The following LIMD1 variants were observed in gnomAD, a reference collection of about 807,000 sequenced individuals.
LIMD1 encodes the protein LIM domain containing 1.
Under a neutral mutation model 58.4 loss-of-function variants are expected in LIMD1, and 23 were observed. The ratio of observed to expected loss-of-function variants is 0.39; its 90% confidence interval spans 0.28 to 0.56. The LOEUF (loss-of-function observed/expected upper bound fraction) is 0.56, where lower values mean the gene tolerates loss of function less well. Ranked by LOEUF, LIMD1 falls within the 20% of genes least tolerant of loss-of-function variation. LIMD1 has a pLI of 0.57. For missense variants in LIMD1, 838 were observed against 855.5 expected (o/e 0.98, Z 0.25); for synonymous variants, 334 against 345.5 (o/e 0.97, Z 0.37).
intron 1 of LIMD1, among the ~76,000 whole-genome samples, chr3:45,626,497 G>A (rs4683131): frequency 0.31 from 47,556 of 152,092 alleles, 8,103 homozygotes; most frequent in South Asian, 0.54. Context: ...GCTGCAGAGT[G>A]TATGATTCCA....
intron 3 of LIMD1, 112 bp from the exon 4 acceptor site, chr3:45,668,180 GCA>G: frequency 3.9e-6 from 3 of 772,634 alleles, no homozygotes; most frequent in Non-Finnish European, 4.3e-6. Flanking sequence ...ACAGAATTCT[GCA>G]CAGAGTGACA....
At chr3:45,609,573 T>C (rs1012150274) in intron 1 of LIMD1, among the ~76,000 whole-genome samples, 1 of 152,180 alleles carries the variant, frequency 6.6e-6, no homozygotes, top group African/African-American at 2.4e-5. Flanking sequence ...GTTGTGGGCA[T>C]GAACCCCAAG....
intron 2 of LIMD1, among the ~76,000 whole-genome samples, chr3:45,640,973 CTT>C (rs1297184854): frequency 6.6e-6 from 1 of 152,222 alleles, no homozygotes; most frequent in Non-Finnish European, 1.5e-5. Flanking sequence ...AGCGGCTTCT[CTT>C]AGACACTGGA....
At chr3:45,674,630 T>C (rs1697643659) in intron 7 of LIMD1, 4 of 490,586 alleles carry the variant, frequency 8.2e-6, no homozygotes, top group East Asian at 3.1e-5. Flanking sequence ...TTCAGAACTA[T>C]CAAGTCCTGC....
chr3:45,638,806 A>G (rs1701814018), intron 2 of LIMD1, among the ~76,000 whole-genome samples: 1 of 152,092 alleles, frequency 6.6e-6, no homozygotes, highest in African/African-American at 2.4e-5. Context: ...CCTTGCCAAC[A>G]TCTACTTTTT....
In LIMD1 at chr3:45,673,488, C is replaced by CCCAT; in HGVS notation, c.1810_1813dup (p.Leu605HisfsTer5). 1 of 1,613,942 alleles carries CCCAT rather than the reference C, an allele frequency of 6.2e-7. No homozygotes were observed. Among genetic ancestry groups the CCCAT allele is most frequent in the Non-Finnish European group, 8.5e-7 (1 of 1,179,814 alleles). On this transcript the variant is annotated frameshift_variant, in exon 6 of 8. Transcript: ENST00000273317. LOFTEE classifies it high-confidence loss of function. ...CCCCAAGTGTGCAGCCTGTGGGCTTCCCATCCTTCCACCTGAGGTAAGATG... is the reference window on the plus strand; with the variant it reads ...CCCCAAGTGTGCAGCCTGTGGGCTTCCCATCCATCCTTCCACCTGAGGTAAGATG...
chr3:45,644,039 T>G (rs1188562245), intron 2 of LIMD1, among the ~76,000 whole-genome samples: 1 of 152,234 alleles, frequency 6.6e-6, no homozygotes, highest in African/African-American at 2.4e-5. Context: ...ATGGGATTTA[T>G]AGTAAAATCT....
At chr3:45,625,876 A>T (rs2125655364) in intron 1 of LIMD1, among the ~76,000 whole-genome samples, 2 of 152,328 alleles carry the variant, frequency 1.3e-5, no homozygotes, top group Non-Finnish European at 2.9e-5. Flanking sequence ...CCATTATAGT[A>T]GCACAAAATG....
chr3:45,596,429 T>C, intron 1 of LIMD1, 142 bp downstream of exon 1: 1 of 695,500 alleles, frequency 1.4e-6, no homozygotes, highest in South Asian at 2.0e-5. Flanking sequence ...GTTTTGGGCT[T>C]CCTCTTTCAG....
In LIMD1 at chr3:45,683,861, C is replaced by A. The variant is rs958901275; in HGVS notation, c.*6802C>A. The A allele has an allele frequency of 1.3e-5, 2 of 152,198 alleles. No homozygotes were observed. The highest frequency in any genetic ancestry group is 2.9e-5 in the Non-Finnish European group (2 of 68,028). 9.4% of individuals were successfully genotyped at this position (152,198 alleles called of 1,614,324 possible). A position where few individuals can be genotyped will look rare whatever the true frequency, so the allele number is the denominator to read the frequency against. On this transcript the variant is annotated 3_prime_UTR_variant, in exon 8 of 8. Coordinates refer to ENST00000273317, the MANE Select transcript of LIMD1 (RefSeq NM_014240.3). ...CATTTCTTTATCAAGACGCCAAGAA[C>A]CTGGACACCCTCCACCGGTAACAGG... is the stretch of plus-strand genomic sequence containing the variant.
intron 1 of LIMD1, among the ~76,000 whole-genome samples, chr3:45,605,009 T>C (rs1315949880): frequency 1.3e-5 from 2 of 152,274 alleles, no homozygotes; most frequent in African/African-American, 4.8e-5. Flanking sequence ...GATTTGTGAC[T>C]GTCACATAGG....
rs1235076665 is a variant in LIMD1 at position 45,682,626 on chromosome 3, TAGAC to T, written c.*5569_*5572del. On this transcript the variant is annotated 3_prime_UTR_variant, in exon 8 of 8. Transcript: ENST00000273317. ...ATGTTCTTTATCATCCCTCATTTGA[TAGAC>T]AAGACAACTGAGACACAAAAGGGTG... 1.3e-5 allele frequency: 2 copies of T among 152,408 alleles called. No homozygotes were observed. The highest frequency in any genetic ancestry group is 2.1e-4 in the South Asian group (1 of 4,822). The allele number at this position is 152,408 out of a possible 1,614,324, so 9.4% of individuals were successfully genotyped here.
Position 45,674,370 on chromosome 3 carries a change from T to G in LIMD1, c.1852T>G (p.Ser618Ala). ...CTCAGATGAGACCATCCGTGTCGTG[T>G]CCATGGACAGAGACTACCACGTGGA... The part of the protein sequence containing the change: ...EGSDETIRVV[S>A]MDRDYHVECY... The change falls in exon 7 of 8, where the codon TCC becomes GCC. Residue 618 changes from serine (S) to alanine (A), a missense_variant. By Grantham distance (99) the Ser-to-Ala change is moderately conservative. This residue lies in a region of LIMD1 where 174 missense variants were observed against 197.4 expected (regional missense o/e 0.88). Transcript: ENST00000273317. The G allele has an allele frequency of 6.2e-7, 1 of 1,613,910 alleles. No individual in the cohort carries two copies. Among genetic ancestry groups the G allele is most frequent in the Middle Eastern group, 1.6e-4 (1 of 6,062 alleles).
intron 1 of LIMD1, among the ~76,000 whole-genome samples, chr3:45,601,494 C>A (rs931677610): frequency 6.6e-6 from 1 of 152,198 alleles, no homozygotes; most frequent in Non-Finnish European, 1.5e-5. Flanking sequence ...CATCGAAGGG[C>A]CTTTGCAGCA....
intron 1 of LIMD1, among the ~76,000 whole-genome samples, chr3:45,607,702 C>T (rs1701481124): frequency 6.6e-6 from 1 of 152,184 alleles, no homozygotes; most frequent in Non-Finnish European, 1.5e-5. Context: ...AGGCAGGCTC[C>T]AAGTCAGGGG....
chr3:45,618,536 G>A (rs1438538809), intron 1 of LIMD1, among the ~76,000 whole-genome samples: 2 of 152,158 alleles, frequency 1.3e-5, no homozygotes, highest in African/African-American at 2.4e-5. Flanking sequence ...TGTCTGTGAG[G>A]AGAGTGGTTT....
rs375383055 is a variant in LIMD1, at chr3:45,595,517, G to A, written c.638G>A (p.Gly213Glu). 21 of 1,613,922 alleles carry A rather than the reference G, an allele frequency of 1.3e-5. No homozygotes were observed. The highest frequency in any genetic ancestry group is 1.7e-5 in the Non-Finnish European group (20 of 1,180,018). ...SVGSGWPSSPGSDPPLPKPCG... is the reference protein window; with the variant it reads ...SVGSGWPSSPESDPPLPKPCG... ...GGGAGTGGGTGGCCTAGCTCCCCGGGGAGTGACCCACCACTGCCCAAACCC... is the reference window on the plus strand; with the variant it reads ...GGGAGTGGGTGGCCTAGCTCCCCGGAGAGTGACCCACCACTGCCCAAACCC... Residue 213 changes from glycine (G) to glutamate (E), a missense_variant, in exon 1 of 8, where the codon GGG (glycine) becomes GAG (glutamate). Physicochemically the swap from Gly to Glu is moderately conservative, Grantham distance 98. Around this residue, in one of 3 missense-constraint regions of LIMD1, gnomAD observed 659 missense variants for 639.8 expected, o/e 1.03. Transcript: ENST00000273317.
intron 1 of LIMD1, among the ~76,000 whole-genome samples, chr3:45,625,811 T>G (rs1434485309): frequency 6.6e-6 from 1 of 152,190 alleles, no homozygotes; most frequent in Admixed American, 6.5e-5. Flanking sequence ...TCCCAGCCTC[T>G]AGAACTGTAA....
At position 45,595,543 on chromosome 3, in the gene LIMD1, T is replaced by G; in HGVS notation, c.664T>G (p.Cys222Gly). The G allele has an allele frequency of 1.9e-6, 3 of 1,613,958 alleles. No individual in the cohort carries two copies. The highest frequency in any genetic ancestry group is 2.5e-6 in the Non-Finnish European group (3 of 1,179,986). The change falls in exon 1 of 8, where the codon TGC becomes GGC. Residue 222 changes from cysteine (C) to glycine (G), a missense_variant. Physicochemically the swap from Cys to Gly is radical, Grantham distance 159 (BLOSUM62 -3). Transcript: ENST00000273317. ...PGSDPPLPKP[C>G]GDHPLNHRQL... The stretch of plus-strand genomic sequence containing the variant: ...GAGTGACCCACCACTGCCCAAACCC[T>G]GCGGGGACCATCCCCTAAATCACCG...
Sources: allele counts gnomAD v4.1 joint callset (sites outside exome capture counted in the v4.1 genomes callset), GRCh38; gene constraint gnomAD v4.1.1; regional missense constraint gnomAD v4.1.1; transcripts MANE v1.5; gene names NCBI Gene and HGNC (gene_info 2026-07-23, HGNC 2026-07-21).